The following CDH20 variants were observed in gnomAD, a reference collection of about 807,000 sequenced individuals.
The protein encoded by CDH20 is cadherin-20.
Under a neutral mutation model 74.2 loss-of-function variants are expected in CDH20, and 29 were observed. The observed-to-expected ratio is 0.39, with a 90% CI of 0.29 to 0.53. The LOEUF is 0.53. CDH20 is among the 20% of genes least tolerant of loss of function. The probability of loss-of-function intolerance (pLI) is 0.69; values close to 1 mark genes in which losing one functional copy is unlikely to be tolerated. For synonymous variants in CDH20, 469 were observed against 405.4 expected, an observed-to-expected ratio of 1.16 and a Z score of -1.88; for missense variants, 988 against 1,048.3, an observed-to-expected ratio of 0.94 and a Z score of 0.79.
intron 1 of CDH20, among the ~76,000 whole-genome samples, chr18:61,403,421 C>T (rs1912221161): frequency 6.6e-6 from 1 of 152,198 alleles, no homozygotes; most frequent in Non-Finnish European, 1.5e-5. Context: ...GGAAACAAGA[C>T]TACCATGTTT....
chr18:61,368,635 T>G (rs1239872437), intron 1 of CDH20, among the ~76,000 whole-genome samples: 1 of 151,978 alleles, frequency 6.6e-6, no homozygotes, highest in Non-Finnish European at 1.5e-5. Flanking sequence ...TGAAAAAAAC[T>G]GTATGGTGCT....
At chr18:61,424,677 C>T (rs982784914) in intron 1 of CDH20, among the ~76,000 whole-genome samples, 1 of 152,136 alleles carries the variant, frequency 6.6e-6, no homozygotes, top group Non-Finnish European at 1.5e-5. Flanking sequence ...AATGCATATT[C>T]TTTTTCATAT....
chr18:61,389,562 T>C (rs993826163), intron 1 of CDH20, among the ~76,000 whole-genome samples: 1 of 152,224 alleles, frequency 6.6e-6, no homozygotes. Flanking sequence ...CCAGACATTG[T>C]TCTAAGCACT....
At chr18:61,550,848 T>C (rs1326908615) in intron 11 of CDH20, among the ~76,000 whole-genome samples, 1 of 152,156 alleles carries the variant, frequency 6.6e-6, no homozygotes, top group Non-Finnish European at 1.5e-5. Flanking sequence ...TCAAACAGGG[T>C]AGTCAGGGAA....
intron 1 of CDH20, among the ~76,000 whole-genome samples, chr18:61,337,327 A>G (rs1426985185): frequency 6.6e-6 from 1 of 152,188 alleles, no homozygotes; most frequent in Non-Finnish European, 1.5e-5. Context: ...CAGCATGTGA[A>G]GTTATAATAA....
intron 1 of CDH20, among the ~76,000 whole-genome samples, chr18:61,358,069 C>T (rs1048395801): frequency 5.9e-5 from 9 of 151,894 alleles, no homozygotes; most frequent in Non-Finnish European, 1.3e-4. Context: ...AACATAGTCT[C>T]ATCCCACCTC....
At chr18:61,405,519 C>T (rs1055486176) in intron 1 of CDH20, among the ~76,000 whole-genome samples, 4 of 152,106 alleles carry the variant, frequency 2.6e-5, no homozygotes, top group Admixed American at 1.3e-4. Flanking sequence ...CCCAGGAGTT[C>T]GAGACTGCAG....
At chr18:61,420,248 G>C (rs1156293143) in intron 1 of CDH20, among the ~76,000 whole-genome samples, 1 of 151,628 alleles carries the variant, frequency 6.6e-6, no homozygotes, top group Non-Finnish European at 1.5e-5. Flanking sequence ...TGAGCTGTTT[G>C]TTAACTGTAA....
At chr18:61,515,423 C>A (rs980454720) in intron 6 of CDH20, among the ~76,000 whole-genome samples, 1 of 152,096 alleles carries the variant, frequency 6.6e-6, no homozygotes, top group Non-Finnish European at 1.5e-5. Context: ...CGAGATGAAC[C>A]CGGTACCTCA....
intron 1 of CDH20, among the ~76,000 whole-genome samples, chr18:61,414,447 A>G (rs1337961797): frequency 1.3e-5 from 2 of 152,176 alleles, no homozygotes; most frequent in Non-Finnish European, 2.9e-5. Flanking sequence ...GCACGTCATC[A>G]TTTTCTAGTT....
intron 5 of CDH20, among the ~76,000 whole-genome samples, chr18:61,504,835 T>A (rs1165586789): frequency 6.6e-6 from 1 of 151,960 alleles, no homozygotes; most frequent in Non-Finnish European, 1.5e-5. Context: ...ATCTCAAATA[T>A]TTACATGCAA....
intron 6 of CDH20, among the ~76,000 whole-genome samples, chr18:61,513,611 T>C (rs1006660696): frequency 6.6e-6 from 1 of 152,008 alleles, no homozygotes; most frequent in Non-Finnish European, 1.5e-5. Context: ...TCTTTACATT[T>C]TGGCATGATT....
At chr18:61,417,893 C>G (rs922398586) in intron 1 of CDH20, among the ~76,000 whole-genome samples, 4 of 152,110 alleles carry the variant, frequency 2.6e-5, no homozygotes, top group African/African-American at 9.7e-5. Context: ...ACACAGCATA[C>G]GCTTGCATCA....
At chr18:61,541,841 G>T (rs1913051428) in intron 9 of CDH20, among the ~76,000 whole-genome samples, 2 of 152,318 alleles carry the variant, frequency 1.3e-5, no homozygotes, top group South Asian at 4.1e-4. Context: ...CATACTTGGT[G>T]ATGGACAAGG....
chr18:61,418,363 G>A (rs1912761845), intron 1 of CDH20, among the ~76,000 whole-genome samples: 1 of 151,970 alleles, frequency 6.6e-6, no homozygotes, highest in African/African-American at 2.4e-5. Flanking sequence ...GACCATACTG[G>A]CTAAGATGGT....
In CDH20 at chr18:61,339,700, T is replaced by TC. The variant is rs1317638383; in HGVS notation, c.-153+5873_-153+5874insC. Among the ~76,000 whole-genome samples, 12 of 120,600 alleles carry TC rather than the reference T, an allele frequency of 1.0e-4. No individual in the cohort carries two copies. The South Asian group carries it at 1.4e-3, about 14-fold the overall frequency. 79.1% of individuals were successfully genotyped at this position (120,600 alleles called of 152,430 possible). ...ATAGAAATTTTTTTTTTTTTTTTTT[T>TC]TTTTTGAGATGGAGTCTCGCTCTGT... On this transcript the variant is annotated intron_variant, in intron 1 of 11. Coordinates refer to ENST00000262717, the MANE Select transcript of CDH20 (RefSeq NM_031891.4).
At chr18:61,420,595 T>G (rs1912841158) in intron 1 of CDH20, among the ~76,000 whole-genome samples, 1 of 152,204 alleles carries the variant, frequency 6.6e-6, no homozygotes, top group Non-Finnish European at 1.5e-5. Flanking sequence ...CAAAAAAATT[T>G]TTGAGTGGTT....
At chr18:61,406,917 T>C (rs1026073368) in intron 1 of CDH20, among the ~76,000 whole-genome samples, 1 of 152,190 alleles carries the variant, frequency 6.6e-6, no homozygotes, top group Non-Finnish European at 1.5e-5. Context: ...AATCTTATTA[T>C]TGAAAAAGCA....
chr18:61,467,846 A>G (rs1160346637), intron 1 of CDH20, among the ~76,000 whole-genome samples: 3 of 152,138 alleles, frequency 2.0e-5, no homozygotes, highest in Non-Finnish European at 1.5e-5. Flanking sequence ...GCCTGACCCC[A>G]AGGCTTACGT....
Sources: gnomAD v4.1 joint callset for allele counts (sites outside exome capture counted in the v4.1 genomes callset) on GRCh38, gnomAD v4.1.1 for gene constraint, MANE v1.5 for transcripts, NCBI Gene and HGNC (gene_info 2026-07-23, HGNC 2026-07-21) for gene names.